Variants in CD99L2 observed in about 807,000 individuals in gnomAD.
CD99L2 encodes CD99 molecule like 2.
CD99L2 carries 24 observed loss-of-function variants against 27.3 expected under a neutral mutation model. The ratio of observed to expected loss-of-function variants is 0.88; its 90% CI spans 0.64 to 1.24. CD99L2 has a LOEUF of 1.24. Ranked by LOEUF, CD99L2 falls within the 50% of genes most tolerant of loss-of-function variation. CD99L2 has a pLI of 0.00. For missense variants in CD99L2, 255 were observed against 221.6 expected, an observed-to-expected ratio of 1.15 and a Z score of -0.96; for synonymous variants, 97 against 87.9, an observed-to-expected ratio of 1.10 and a Z score of -0.58.
chrX:150,778,686 AT>A (rs1337778473), intron 7 of CD99L2, among the ~76,000 whole-genome samples: 4,267 of 21,514 alleles, frequency 0.2, 90 homozygotes, highest in Non-Finnish European at 0.35. Context: ...AAAAAAAAAA[AT>A]ATATATATAT....
chrX:150,878,079 T>C (rs1271779479), intron 1 of CD99L2, among the ~76,000 whole-genome samples: 1 of 109,349 alleles, frequency 9.1e-6, no homozygotes, highest in African/African-American at 3.3e-5. Flanking sequence ...GGCTCACGCT[T>C]GTAATCCCAG....
chrX:150,868,084 AAATAATAATAATAATAAT>A lies in CD99L2; in HGVS notation c.67+30420_67+30437del, dbSNP rs781930485. Among the ~76,000 whole-genome samples the A allele has an allele frequency of 2.2e-4, 21 of 96,467 alleles. No homozygotes were observed. In the East Asian group the frequency reaches 3.2e-3, roughly 15 times the overall value. 83.8% of individuals were successfully genotyped at this position (96,467 alleles called of 115,157 possible). On this transcript the variant is annotated intron_variant, in intron 1 of 10. Transcript: ENST00000370377. Reference sequence around the variant, plus strand: ...GCGACAGAGTGAGACTCCATCTCAAAAATAATAATAATAATAATAATAATAATAATAATAATAATAATA... The same window carrying A: ...GCGACAGAGTGAGACTCCATCTCAAAAATAATAATAATAATAATAATAATA...
At position 150,896,970 on chromosome X, in the gene CD99L2, A is replaced by G. The variant is rs145931305; in HGVS notation, c.67+1552T>C. On this transcript the variant is annotated intron_variant, in intron 1 of 10. Coordinates refer to ENST00000370377, the MANE Select transcript of CD99L2 (RefSeq NM_031462.4). ...TTGTAACGTGCAAATCTGAGACCCAATCATTTCTATTCCCCACCTTCTCAA... is the reference window on the plus strand; with the variant it reads ...TTGTAACGTGCAAATCTGAGACCCAGTCATTTCTATTCCCCACCTTCTCAA... Among the ~76,000 whole-genome samples the G allele has an allele frequency of 7.2e-3, 805 of 112,296 alleles. 7 individuals are homozygous for G. Among genetic ancestry groups the G allele is most frequent in the African/African-American group, 0.025 (773 of 30,914 alleles).
intron 2 of CD99L2, among the ~76,000 whole-genome samples, chrX:150,823,171 A>C (rs2046265869): frequency 8.9e-6 from 1 of 112,689 alleles, no homozygotes. Context: ...ACCCAGTTTC[A>C]GGTATGTCTT....
At chrX:150,843,769 T>C (rs1603304459) in intron 1 of CD99L2, among the ~76,000 whole-genome samples, 1 of 111,394 alleles carries the variant, frequency 9.0e-6, no homozygotes, top group East Asian at 2.8e-4. Context: ...CATCTCAGGA[T>C]TTTCCATTTC....
In CD99L2 at chrX:150,777,493, G is replaced by C. The variant is rs1302001900; in HGVS notation, c.497-11C>G. 1 of 1,208,665 alleles carries C rather than the reference G, an allele frequency of 8.3e-7. No homozygotes were observed. The highest frequency in any genetic ancestry group is 1.1e-6 in the Non-Finnish European group (1 of 894,767). ...CGTACCGGCCATCACCTGAAGAAAA[G>C]ACAAAAGCACTTAGTGCCAGCGACC... On this transcript the variant is annotated splice_polypyrimidine_tract_variant and intron_variant, in intron 7 of 10. Transcript: ENST00000370377.
chrX:150,873,026 G>A lies in CD99L2; in HGVS notation c.67+25496C>T, dbSNP rs372789306. Among the ~76,000 whole-genome samples, 11 of 111,502 alleles carry A rather than the reference G, an allele frequency of 9.9e-5. No individual in the cohort carries two copies. In the South Asian group the frequency reaches 4.2e-3, roughly 42 times the overall value. On this transcript the variant is annotated intron_variant, in intron 1 of 10. Transcript: ENST00000370377. ...CAGCTCTCCATTGAGGAATATCACC[G>A]AGCATTACCAGACACTGGGAAAAAA...
At chrX:150,865,838 G>A (rs2047051802) in intron 1 of CD99L2, among the ~76,000 whole-genome samples, 1 of 112,391 alleles carries the variant, frequency 8.9e-6, no homozygotes, top group Non-Finnish European at 1.9e-5. Flanking sequence ...CTAATTTAGG[G>A]GGCCAGGTGT....
intron 1 of CD99L2, among the ~76,000 whole-genome samples, chrX:150,851,415 C>T (rs1250553729): frequency 1.8e-5 from 2 of 112,075 alleles, no homozygotes; most frequent in Non-Finnish European, 3.8e-5. Flanking sequence ...GCCTCTTTCA[C>T]CAATGAGGAG....
chrX:150,810,011 G>A (rs782480309), intron 4 of CD99L2, among the ~76,000 whole-genome samples: 1 of 112,064 alleles, frequency 8.9e-6, no homozygotes, highest in East Asian at 2.8e-4. Flanking sequence ...CATAATTATC[G>A]TTGGGGAAAT....
intron 7 of CD99L2, among the ~76,000 whole-genome samples, chrX:150,788,770 C>T: frequency 9.0e-6 from 1 of 111,620 alleles, no homozygotes; most frequent in Non-Finnish European, 1.9e-5. Flanking sequence ...CAAAAACCAG[C>T]AATAGTGTAT....
intron 1 of CD99L2, among the ~76,000 whole-genome samples, chrX:150,880,116 G>A (rs1163815764): frequency 2.7e-5 from 3 of 111,474 alleles, no homozygotes; most frequent in African/African-American, 9.8e-5. Context: ...TGGTGGGATT[G>A]TAAAATGACA....
At chrX:150,773,885 G>A (rs2043504917) in intron 9 of CD99L2, among the ~76,000 whole-genome samples, 1 of 112,148 alleles carries the variant, frequency 8.9e-6, no homozygotes, top group Non-Finnish European at 1.9e-5. Context: ...GGCTCCCAGG[G>A]CATTAGCCTT....
chrX:150,864,250 G>C (rs1324446477), intron 1 of CD99L2, among the ~76,000 whole-genome samples: 1 of 112,008 alleles, frequency 8.9e-6, no homozygotes, highest in African/African-American at 3.2e-5. Context: ...GGTAACAAAT[G>C]ACATCTTCAT....
At chrX:150,887,623 G>A (rs781835081) in intron 1 of CD99L2, among the ~76,000 whole-genome samples, 2 of 111,116 alleles carry the variant, frequency 1.8e-5, no homozygotes, top group East Asian at 2.8e-4. Context: ...AGGCTACACA[G>A]TAGGCACTGT....
intron 1 of CD99L2, among the ~76,000 whole-genome samples, chrX:150,836,125 G>A (rs2046523077): frequency 1.8e-5 from 2 of 111,513 alleles, no homozygotes; most frequent in Admixed American, 1.9e-4. Context: ...CTCTAGATGG[G>A]CACGTAGTTT....
At chrX:150,809,462 T>A (rs781921848) in intron 4 of CD99L2, among the ~76,000 whole-genome samples, 1 of 112,153 alleles carries the variant, frequency 8.9e-6, no homozygotes, top group East Asian at 2.8e-4. Flanking sequence ...TATAAAGCAA[T>A]ACAAAATAAA....
intron 4 of CD99L2, among the ~76,000 whole-genome samples, chrX:150,802,782 C>T (rs187094780): frequency 1.3e-4 from 13 of 103,094 alleles, no homozygotes; most frequent in Middle Eastern, 4.9e-3. Flanking sequence ...GGGGTTTCAC[C>T]GTGTTAGCCA....
chrX:150,825,377 C>T (rs60335511), intron 2 of CD99L2, among the ~76,000 whole-genome samples: 10,650 of 111,780 alleles, frequency 0.095, 650 homozygotes, highest in African/African-American at 0.23. Flanking sequence ...TTGACCTATG[C>T]GATGCCAGTA....
Sources: allele counts gnomAD v4.1 joint callset (sites outside exome capture counted in the v4.1 genomes callset), GRCh38; gene constraint gnomAD v4.1.1; transcripts MANE v1.5; gene names NCBI Gene and HGNC (gene_info 2026-07-23, HGNC 2026-07-21).